UBE2E2: variants seen among roughly 807,000 people sequenced by gnomAD.
UBE2E2 encodes ubiquitin-conjugating enzyme E2 E2.
A neutral mutation model predicts 24.7 loss-of-function variants in UBE2E2; 6 were observed. The ratio of observed to expected loss-of-function variants is 0.24; its 90% CI spans 0.13 to 0.48. The LOEUF is 0.48. Among genes scored for constraint, UBE2E2 ranks in the 20% least tolerant of loss-of-function variants. The pLI is 0.99. For missense variants in UBE2E2, 169 were observed against 245.0 expected (o/e 0.69, Z 2.07); for synonymous variants, 104 against 83.6 (o/e 1.24, Z -1.33).
intron 3 of UBE2E2, among the ~76,000 whole-genome samples, chr3:23,450,362 C>T (rs1024103741): frequency 1.3e-5 from 2 of 152,156 alleles, no homozygotes; most frequent in Non-Finnish European, 2.9e-5. Context: ...TCTAGTACAA[C>T]TGAAGAATTT....
At chr3:23,422,351 A>G (rs1004755788) in intron 3 of UBE2E2, among the ~76,000 whole-genome samples, 2 of 152,216 alleles carry the variant, frequency 1.3e-5, no homozygotes, top group Non-Finnish European at 2.9e-5. Context: ...AAAGTGGTCA[A>G]CTGGAGCAGA....
chr3:23,530,343 C>A (rs1695093521), intron 4 of UBE2E2, among the ~76,000 whole-genome samples: 1 of 152,118 alleles, frequency 6.6e-6, no homozygotes, highest in Non-Finnish European at 1.5e-5. Flanking sequence ...GTGAAAATGT[C>A]CCTCTTTGAT....
At chr3:23,221,016 C>T (rs191960329) in intron 3 of UBE2E2, among the ~76,000 whole-genome samples, 1 of 152,326 alleles carries the variant, frequency 6.6e-6, no homozygotes, top group East Asian at 1.9e-4. Context: ...GAGAAGCTAA[C>T]TTGTTCAAAT....
At chr3:23,238,855 C>T (rs751243665) in intron 3 of UBE2E2, among the ~76,000 whole-genome samples, 41 of 152,106 alleles carry the variant, frequency 2.7e-4, no homozygotes, top group Non-Finnish European at 3.1e-4. Flanking sequence ...TGGAGTTTCC[C>T]ACTTGTGGCA....
intron 3 of UBE2E2, among the ~76,000 whole-genome samples, chr3:23,260,810 GA>G (rs1371201537): frequency 6.6e-6 from 1 of 152,168 alleles, no homozygotes; most frequent in East Asian, 1.9e-4. Context: ...GTTGGAGGGA[GA>G]CAGTAATGGG....
intron 3 of UBE2E2, among the ~76,000 whole-genome samples, chr3:23,265,332 G>T (rs1332697309): frequency 2.6e-5 from 4 of 152,134 alleles, no homozygotes; most frequent in Non-Finnish European, 5.9e-5. Flanking sequence ...TCTCACTTCA[G>T]TTCCCTCACC....
At chr3:23,292,059 C>T (rs1456524049) in intron 3 of UBE2E2, among the ~76,000 whole-genome samples, 8 of 151,920 alleles carry the variant, frequency 5.3e-5, no homozygotes, top group South Asian at 2.1e-4. Flanking sequence ...GGGGTTTCAC[C>T]GTGTTAACCA....
intron 5 of UBE2E2, among the ~76,000 whole-genome samples, chr3:23,574,626 A>C (rs779744284): frequency 2.6e-5 from 4 of 152,152 alleles, no homozygotes; most frequent in Non-Finnish European, 5.9e-5. Context: ...GAAGCAAAAA[A>C]GGATTGCTTG....
At chr3:23,273,333 A>T (rs1287091637) in intron 3 of UBE2E2, among the ~76,000 whole-genome samples, 1 of 152,010 alleles carries the variant, frequency 6.6e-6, no homozygotes, top group Non-Finnish European at 1.5e-5. Flanking sequence ...AGGTCAGGAG[A>T]TCGAGACCAT....
At chr3:23,405,186 C>T (rs1000885952) in intron 3 of UBE2E2, among the ~76,000 whole-genome samples, 2 of 152,018 alleles carry the variant, frequency 1.3e-5, no homozygotes, top group African/African-American at 4.8e-5. Flanking sequence ...TGTGGTAGAC[C>T]ATTGTAGGTT....
intron 3 of UBE2E2, among the ~76,000 whole-genome samples, chr3:23,443,990 C>T (rs1698365694): frequency 6.6e-6 from 1 of 151,898 alleles, no homozygotes; most frequent in African/African-American, 2.4e-5. Flanking sequence ...ACAGTCCCTT[C>T]TGCTGCAGCT....
At chr3:23,423,218 C>T (rs1013603245) in intron 3 of UBE2E2, among the ~76,000 whole-genome samples, 7 of 152,168 alleles carry the variant, frequency 4.6e-5, no homozygotes, top group Non-Finnish European at 2.9e-5. Flanking sequence ...GCGCATAAAA[C>T]GGTTTGATAG....
chr3:23,274,545 A>G (rs1187874911), intron 3 of UBE2E2, among the ~76,000 whole-genome samples: 1 of 151,806 alleles, frequency 6.6e-6, no homozygotes, highest in Non-Finnish European at 1.5e-5. Flanking sequence ...TATTTTTTAT[A>G]GAGATGGAGT....
intron 3 of UBE2E2, among the ~76,000 whole-genome samples, chr3:23,440,195 A>T (rs1028403000): frequency 6.6e-6 from 1 of 151,880 alleles, no homozygotes; most frequent in African/African-American, 2.4e-5. Context: ...AATCGCTTGA[A>T]CTCAGGGGTC....
intron 3 of UBE2E2, among the ~76,000 whole-genome samples, chr3:23,355,514 G>T (rs937834082): frequency 6.6e-6 from 1 of 152,174 alleles, no homozygotes; most frequent in African/African-American, 2.4e-5. Flanking sequence ...TAAATCAGAA[G>T]ATACTGAGAT....
intron 3 of UBE2E2, among the ~76,000 whole-genome samples, chr3:23,306,837 T>C (rs944686079): frequency 2.6e-5 from 4 of 152,210 alleles, no homozygotes; most frequent in East Asian, 1.9e-4. Context: ...TTGACTATTA[T>C]TTATAACAAT....
intron 5 of UBE2E2, among the ~76,000 whole-genome samples, chr3:23,573,455 C>G (rs781165216): frequency 6.6e-6 from 1 of 152,060 alleles, no homozygotes; most frequent in Non-Finnish European, 1.5e-5. Flanking sequence ...ATTTTTTCCA[C>G]ACATAATAGA....
intron 3 of UBE2E2, among the ~76,000 whole-genome samples, chr3:23,222,876 A>G (rs926990340): frequency 2.0e-5 from 3 of 152,160 alleles, no homozygotes; most frequent in African/African-American, 7.2e-5. Context: ...CCTTGCCAGC[A>G]TCCGCTATTG....
intron 3 of UBE2E2, among the ~76,000 whole-genome samples, chr3:23,493,488 G>A (rs984905378): frequency 6.6e-6 from 1 of 151,842 alleles, no homozygotes; most frequent in East Asian, 1.9e-4. Flanking sequence ...ACCTCATTGT[G>A]TTTTTATTTT....
Sources: gnomAD v4.1 joint callset for allele counts (sites outside exome capture counted in the v4.1 genomes callset) on GRCh38, gnomAD v4.1.1 for gene constraint, MANE v1.5 for transcripts, NCBI Gene and HGNC (gene_info 2026-07-23, HGNC 2026-07-21) for gene names.